ZNF408: variants seen among roughly 807,000 people sequenced by gnomAD.
ZNF408 encodes the protein zinc finger protein 408.
A neutral mutation model predicts 27.6 loss-of-function variants in ZNF408; 24 were observed. That is an observed-to-expected ratio of 0.87 (90% CI 0.63 to 1.22). The LOEUF (loss-of-function observed/expected upper bound fraction) is 1.22, where lower values mean the gene tolerates loss of function less well. Ranked by LOEUF, ZNF408 falls within the 50% of genes most tolerant of loss-of-function variation. ZNF408 has a pLI of 0.00. For synonymous variants in ZNF408, 410 were observed against 396.1 expected (o/e 1.04, Z -0.42); for missense variants, 897 against 949.0 (o/e 0.95, Z 0.72).
In ZNF408 at chr11:46,704,611, A is replaced by T. The variant is rs932534447; in HGVS notation, c.911A>T (p.Tyr304Phe). Reference sequence around the variant, plus strand: ...GCCAGGGGCACCCAGCCGCATGGCTACCTGGCCAAGAAGTTACACAGCCCC... The same window carrying T: ...GCCAGGGGCACCCAGCCGCATGGCTTCCTGGCCAAGAAGTTACACAGCCCC... Reference protein sequence around the residue: ...SSARGTQPHGYLAKKLHSPSD... With the variant: ...SSARGTQPHGFLAKKLHSPSD... Residue 304 changes from tyrosine to phenylalanine, a missense_variant, in exon 5 of 5, where the codon TAC (tyrosine) becomes TTC (phenylalanine). Physicochemically the swap from Tyr to Phe is conservative, Grantham distance 22 (BLOSUM62 3). Coordinates refer to ENST00000311764, the MANE Select transcript of ZNF408 (RefSeq NM_024741.3). The T allele has an allele frequency of 6.2e-6, 10 of 1,613,816 alleles. No homozygotes were observed. Among genetic ancestry groups the T allele is most frequent in the Non-Finnish European group, 8.5e-6 (10 of 1,180,014 alleles).
chr11:46,701,058 C>A lies in ZNF408; in HGVS notation c.11C>A (p.Ala4Glu). The change falls in exon 1 of 5, where the codon GCG (alanine) becomes GAG (glutamate). Residue 4 changes from alanine (A) to glutamate (E), a missense_variant. Physicochemically the swap from Ala to Glu is moderately radical, Grantham distance 107. Transcript: ENST00000311764. ...GCTTTCTGACCCGGAATGGAGGAGG[C>A]GGAGGAGCTGCTCTTGGAGGGGAAG... MEE[A>E]EELLLEGKKA... The A allele has an allele frequency of 6.2e-7, 1 of 1,614,078 alleles. No homozygotes were observed. Among genetic ancestry groups the A allele is most frequent in the South Asian group, 1.1e-5 (1 of 91,082 alleles).
At position 46,705,395 on chromosome 11, in the gene ZNF408, G is replaced by T. The variant is rs1166845377; in HGVS notation, c.1695G>T (p.Thr565=). 6.2e-7 allele frequency: 1 copy of T among 1,607,902 alleles called. No individual in the cohort carries two copies. The highest frequency in any genetic ancestry group is 2.2e-5 in the East Asian group (1 of 44,836). The change falls in exon 5 of 5, where the codon ACG becomes ACT. Residue 565 remains threonine, a synonymous_variant. Transcript: ENST00000311764. The surrounding 1 kb of genome is among the most constrained non-coding windows in gnomAD (Gnocchi z 6.5). The stretch of plus-strand genomic sequence containing the variant: ...GCAAGGCCCTCCGAGACCCACACAC[G>T]CTCCGAGCTCACGAGCGCCTGCACT... ...VCGKALRDPH[T]LRAHERLHSG... is the part of the protein sequence containing the mutation.
Position 46,704,934 on chromosome 11 carries a change from C to T in ZNF408, c.1234C>T (p.Pro412Ser). 1.2e-6 allele frequency: 2 copies of T among 1,613,606 alleles called. No individual in the cohort carries two copies. The change falls in exon 5 of 5, where the codon CCA becomes TCA. Residue 412 changes from proline to serine, a missense_variant. Coordinates refer to ENST00000311764, the MANE Select transcript of ZNF408 (RefSeq NM_024741.3). ...GHRGVRPFPC[P>S]QCDKAYGTQR... ...CCGTGGGGTGCGGCCCTTCCCCTGT[C>T]CACAATGCGACAAGGCCTATGGCAC... is the stretch of plus-strand genomic sequence containing the variant.
In ZNF408 at chr11:46,704,490, G is replaced by T; in HGVS notation, c.790G>T (p.Glu264Ter). The T allele has an allele frequency of 6.2e-6, 10 of 1,614,122 alleles. No homozygotes were observed. The highest frequency in any genetic ancestry group is 8.5e-6 in the Non-Finnish European group (10 of 1,180,036). ...PLLQDGDVDE[E>*]CPAQAQMPPE... ...GCTTCAGGATGGCGACGTGGATGAG[G>T]AATGCCCGGCCCAGGCACAGATGCC... Residue 264 changes from glutamate (E) to a stop codon, truncating the protein, a stop_gained, in exon 5 of 5, where the codon GAA becomes TAA. Coordinates refer to ENST00000311764, the MANE Select transcript of ZNF408 (RefSeq NM_024741.3). LOFTEE classifies it low-confidence loss of function (END_TRUNC).
rs138519217 is a variant in ZNF408, at chr11:46,705,589, G to T, written c.1889G>T (p.Arg630Leu). ...CTCAGGCGGCATCAGCTCAGTCACCGGCCTGAGGCACCCTGCAGCCCACCC... is the reference window on the plus strand; with the variant it reads ...CTCAGGCGGCATCAGCTCAGTCACCTGCCTGAGGCACCCTGCAGCCCACCC... The part of the protein sequence containing the change: ...QSLRRHQLSH[R>L]PEAPCSPPSV... Residue 630 changes from arginine to leucine, a missense_variant, in exon 5 of 5, where the codon CGG (arginine) becomes CTG (leucine). Arg to Leu is a moderately radical substitution (Grantham distance 102, BLOSUM62 -2). Coordinates refer to ENST00000311764, the MANE Select transcript of ZNF408 (RefSeq NM_024741.3). This position sits in a 1 kb window ranked among gnomAD's most constrained non-coding sequence, Gnocchi z 6.5. 1.1e-5 allele frequency: 18 copies of T among 1,608,796 alleles called. No individual in the cohort carries two copies. The highest frequency in any genetic ancestry group is 2.7e-5 in the African/African-American group (2 of 75,060).
At chr11:46,701,783 G>A in intron 2 of ZNF408, 107 bp downstream of exon 2, 12 of 1,340,458 alleles carry the variant, frequency 9.0e-6, no homozygotes, top group Non-Finnish European at 1.2e-5. Context: ...TCAAGAGATA[G>A]GAGATAGTCT....
Position 46,703,236 on chromosome 11 carries a change from T to G in ZNF408, c.645T>G (p.Pro215=). The G allele has an allele frequency of 6.2e-7, 1 of 1,611,696 alleles. No individual in the cohort carries two copies. Among genetic ancestry groups the G allele is most frequent in the South Asian group, 1.1e-5 (1 of 90,784 alleles). The change falls in exon 4 of 5, where the codon CCT becomes CCG. Residue 215 remains proline (P), a synonymous_variant. Transcript: ENST00000311764. ...CCCCTGGGGAGGATGCAGCAGAACC[T>G]TGCATAGGTATGTGTCAAATAAATG... ...VASPGEDAAE[P]CIDPGSQSPS...
rs1336758264 is a variant in ZNF408, at chr11:46,701,107, A to C, written c.52+8A>C. The stretch of plus-strand genomic sequence containing the variant: ...AGAAGGCGCTGCAACTCGGTGAGTG[A>C]CCTGCGATGTCCGCGACCCTCAACC... On this transcript the variant is annotated splice_region_variant and intron_variant, in intron 1 of 4. Transcript: ENST00000311764. The C allele has an allele frequency of 6.2e-7, 1 of 1,614,090 alleles. No individual in the cohort carries two copies. Among genetic ancestry groups the C allele is most frequent in the African/African-American group, 1.3e-5 (1 of 75,052 alleles).
intron 2 of ZNF408, 73 bp from the exon 3 acceptor site, chr11:46,702,631 A>G (rs1012004029): frequency 1.3e-6 from 2 of 1,498,970 alleles, no homozygotes; most frequent in Non-Finnish European, 9.2e-7. Flanking sequence ...GGAAAGTTTC[A>G]TCTAGTTTCT....
intron 2 of ZNF408, 108 bp downstream of exon 2, chr11:46,701,784 G>C: frequency 7.5e-7 from 1 of 1,339,802 alleles, no homozygotes; most frequent in South Asian, 1.5e-5. Flanking sequence ...CAAGAGATAG[G>C]AGATAGTCTT....
At chr11:46,701,128 C>T (rs761243167) in intron 1 of ZNF408, 29 bp downstream of exon 1, 35 of 1,613,966 alleles carry the variant, frequency 2.2e-5, no homozygotes, top group Non-Finnish European at 2.8e-5. Context: ...CCGCGACCCT[C>T]AACCTTGGCC....
chr11:46,704,278 C>T, intron 4 of ZNF408, 75 bp from the exon 5 acceptor site: 1 of 1,477,052 alleles, frequency 6.8e-7, no homozygotes, highest in Non-Finnish European at 9.1e-7. Flanking sequence ...GAGAAAACAT[C>T]TGATCCTGTA....
Position 46,703,080 on chromosome 11 carries a change from A to G in ZNF408, c.489A>G (p.Pro163=), listed in dbSNP as rs756466301. The G allele has an allele frequency of 1.2e-6, 2 of 1,613,540 alleles. No homozygotes were observed. Among genetic ancestry groups the G allele is most frequent in the South Asian group, 2.2e-5 (2 of 91,006 alleles). Residue 163 remains proline (P), a synonymous_variant, in exon 4 of 5, where the codon CCA becomes CCG. Transcript: ENST00000311764. Reference sequence around the variant, plus strand: ...TGCAAGTGTACCAGCTGGTGCTGCCAGGCTCTGAACTGCTGCTGTGGCCCC... The same window carrying G: ...TGCAAGTGTACCAGCTGGTGCTGCCGGGCTCTGAACTGCTGCTGTGGCCCC... ...LHLQVYQLVL[P]GSELLLWPQP... is the part of the protein sequence containing the mutation.
chr11:46,704,545 A>G lies in ZNF408; in HGVS notation c.845A>G (p.Gln282Arg). The G allele has an allele frequency of 6.2e-7, 1 of 1,613,800 alleles. No individual in the cohort carries two copies. Among genetic ancestry groups the G allele is most frequent in the Non-Finnish European group, 8.5e-7 (1 of 1,179,952 alleles). Residue 282 changes from glutamine to arginine, a missense_variant, in exon 5 of 5, where the codon CAG becomes CGG. Transcript: ENST00000311764. ...GAACTTCAGAGCAATTCGGCTACCC[A>G]GCAGGACCCAGATGGCAGTGGAGCC... ...PPELQSNSAT[Q>R]QDPDGSGASF...
chr11:46,702,338 G>C (rs995891902), intron 2 of ZNF408, among the ~76,000 whole-genome samples: 7 of 152,118 alleles, frequency 4.6e-5, no homozygotes, highest in African/African-American at 1.7e-4. Flanking sequence ...CAAGTAATCC[G>C]CCTGCCTGGG....
In ZNF408 at chr11:46,702,697, A is replaced by G; in HGVS notation, c.331-7A>G. On this transcript the variant is annotated splice_polypyrimidine_tract_variant and splice_region_variant and intron_variant, in intron 2 of 4. Transcript: ENST00000311764. ...ATTTGAGAAGGACTTTTGTTGGTTT[A>G]TTTCAGAACCTGTCATTAGGCCCAT... 6.2e-7 allele frequency: 1 copy of G among 1,613,546 alleles called. No homozygotes were observed. Among genetic ancestry groups the G allele is most frequent in the Non-Finnish European group, 8.5e-7 (1 of 1,179,496 alleles).
At chr11:46,704,127 A>G (rs1170498528) in intron 4 of ZNF408, among the ~76,000 whole-genome samples, 1 of 152,140 alleles carries the variant, frequency 6.6e-6, no homozygotes, top group East Asian at 1.9e-4. Context: ...GATTATCCAG[A>G]TGGCTGGGAC....
chr11:46,703,767 G>GT lies in ZNF408; in HGVS notation c.652+526dup, dbSNP rs1478673835. Among the ~76,000 whole-genome samples, 214 of 87,066 alleles carry GT rather than the reference G, an allele frequency of 2.5e-3. 15 individuals carry two copies. The highest frequency in any genetic ancestry group is 7.8e-3 in the African/African-American group (169 of 21,734). 57.1% of individuals were successfully genotyped at this position (87,066 alleles called of 152,430 possible). A position where few individuals can be genotyped will look rare whatever the true frequency, so the allele number is the denominator to read the frequency against. On this transcript the variant is annotated intron_variant, in intron 4 of 4. Coordinates refer to ENST00000311764, the MANE Select transcript of ZNF408 (RefSeq NM_024741.3). ...TTTTGTTGTTGTTGTTGTTGTTGTTGTTGTTTTTTTTTTTTTTTGAGATGG... is the reference window on the plus strand; with the variant it reads ...TTTTGTTGTTGTTGTTGTTGTTGTTGTTTGTTTTTTTTTTTTTTTGAGATGG...
At position 46,701,396 on chromosome 11, in the gene ZNF408, C is replaced by G; in HGVS notation, c.53-3C>G. On this transcript the variant is annotated splice_polypyrimidine_tract_variant and splice_region_variant and intron_variant, in intron 1 of 4. Coordinates refer to ENST00000311764, the MANE Select transcript of ZNF408 (RefSeq NM_024741.3). ...CCCTCACTGTCTTCCCTTCTCTCTG[C>G]AGCCCGCGAGCCGCGCCTGGGCCTG... The G allele has an allele frequency of 1.9e-6, 3 of 1,612,644 alleles. No individual in the cohort carries two copies. The highest frequency in any genetic ancestry group is 1.7e-6 in the Non-Finnish European group (2 of 1,179,056).
Sources: allele counts gnomAD v4.1 joint callset (sites outside exome capture counted in the v4.1 genomes callset), GRCh38; gene constraint gnomAD v4.1.1; non-coding constraint Gnocchi (gnomAD v3.1); transcripts MANE v1.5; gene names NCBI Gene and HGNC (gene_info 2026-07-23, HGNC 2026-07-21).